Variants in SAMSN1 observed in about 807,000 individuals in gnomAD.
The protein encoded by SAMSN1 is SAM domain, SH3 domain and nuclear localization signals 1.
SAMSN1 carries 31 observed loss-of-function variants against 42.0 expected under a neutral mutation model. The observed-to-expected ratio is 0.74, with a 90% CI of 0.55 to 1.00. The LOEUF (loss-of-function observed/expected upper bound fraction) is 1.00. Among genes scored for constraint, SAMSN1 ranks in the 50% least tolerant of loss-of-function variants. SAMSN1 has a pLI of 0.00. For missense variants in SAMSN1, 464 were observed against 439.4 expected (o/e 1.06, Z -0.50); for synonymous variants, 178 against 151.9 (o/e 1.17, Z -1.26).
chr21:14,520,103 T>C (rs759576111), intron 2 of SAMSN1, among the ~76,000 whole-genome samples: 1 of 152,230 alleles, frequency 6.6e-6, no homozygotes, highest in African/African-American at 2.4e-5. Context: ...GCATTGTGCT[T>C]ATTTCATCGT....
chr21:14,631,332 T>C (rs746195310), intron 2 of SAMSN1, among the ~76,000 whole-genome samples: 11 of 152,210 alleles, frequency 7.2e-5, no homozygotes, highest in South Asian at 2.1e-4. Context: ...AGGTAACAAA[T>C]AGTTTTCTCA....
intron 2 of SAMSN1, among the ~76,000 whole-genome samples, chr21:14,629,894 A>G (rs987352822): frequency 2.0e-5 from 3 of 152,198 alleles, no homozygotes; most frequent in Admixed American, 2.0e-4. Context: ...CAGATGTCTT[A>G]AAACAGAGGT....
intron 7 of SAMSN1, among the ~76,000 whole-genome samples, chr21:14,590,741 T>A (rs1027179811): frequency 2.0e-5 from 3 of 152,216 alleles, no homozygotes; most frequent in African/African-American, 7.2e-5. Flanking sequence ...AGAGAGCTAC[T>A]TTCATGGTAA....
intron 5 of SAMSN1, among the ~76,000 whole-genome samples, chr21:14,509,514 ACC>A (rs960688626): frequency 6.6e-6 from 1 of 152,084 alleles, no homozygotes; most frequent in Non-Finnish European, 1.5e-5. Context: ...GTAACCAAAC[ACC>A]CCTGTTCCCC....
chr21:14,609,015 T>C (rs1417333207), intron 5 of SAMSN1, among the ~76,000 whole-genome samples: 1 of 152,082 alleles, frequency 6.6e-6, no homozygotes, highest in Non-Finnish European at 1.5e-5. Flanking sequence ...CCTAATTTGC[T>C]CTCCTGGAAA....
At chr21:14,557,429 G>C (rs774482924) in intron 2 of SAMSN1, among the ~76,000 whole-genome samples, 7 of 152,132 alleles carry the variant, frequency 4.6e-5, no homozygotes, top group South Asian at 2.1e-4. Context: ...GAGATTCCTA[G>C]GAATTCACGC....
chr21:14,657,058 A>T (rs1225256995), intron 1 of SAMSN1, among the ~76,000 whole-genome samples: 1 of 151,700 alleles, frequency 6.6e-6, no homozygotes, highest in Non-Finnish European at 1.5e-5. Flanking sequence ...CAAAAGCTGT[A>T]CCCCCACCCC....
chr21:14,505,155 C>A (rs181608879), intron 5 of SAMSN1, among the ~76,000 whole-genome samples: 1 of 152,048 alleles, frequency 6.6e-6, no homozygotes, highest in Non-Finnish European at 1.5e-5. Flanking sequence ...TCTCACAGGA[C>A]CTATCAAACA....
At chr21:14,596,408 T>C (rs1982263831) in intron 6 of SAMSN1, among the ~76,000 whole-genome samples, 2 of 152,166 alleles carry the variant, frequency 1.3e-5, no homozygotes, top group Admixed American at 6.6e-5. Context: ...TACTATTAGG[T>C]AGTTCTAGTG....
intron 7 of SAMSN1, among the ~76,000 whole-genome samples, chr21:14,497,723 T>C (rs1434822179): frequency 6.6e-6 from 1 of 152,164 alleles, no homozygotes; most frequent in East Asian, 1.9e-4. Context: ...GCTCACAAAA[T>C]ACTCCTTGCA....
intron 2 of SAMSN1, among the ~76,000 whole-genome samples, chr21:14,567,667 G>C (rs555851819): frequency 5.9e-5 from 9 of 152,236 alleles, no homozygotes; most frequent in African/African-American, 2.2e-4. Flanking sequence ...GTCCATTCCT[G>C]GCGTCCTGGT....
At chr21:14,623,540 T>C (rs1379692063) in intron 2 of SAMSN1, among the ~76,000 whole-genome samples, 3 of 152,262 alleles carry the variant, frequency 2.0e-5, no homozygotes, top group South Asian at 2.1e-4. Flanking sequence ...GACCATTACA[T>C]AATAGTAAAG....
At chr21:14,563,818 G>T (rs1410933906) in intron 2 of SAMSN1, among the ~76,000 whole-genome samples, 1 of 152,138 alleles carries the variant, frequency 6.6e-6, no homozygotes, top group South Asian at 2.1e-4. Flanking sequence ...TACTTGGAAG[G>T]AGCTGTGAAT....
chr21:14,558,989 C>A (rs1032606360), intron 2 of SAMSN1, among the ~76,000 whole-genome samples: 1 of 152,146 alleles, frequency 6.6e-6, no homozygotes, highest in Non-Finnish European at 1.5e-5. Context: ...GCAAAGCATT[C>A]ATTGAAATGA....
intron 2 of SAMSN1, among the ~76,000 whole-genome samples, chr21:14,552,215 G>A (rs1021102589): frequency 1.3e-5 from 2 of 152,006 alleles, no homozygotes; most frequent in African/African-American, 2.4e-5. Flanking sequence ...TTCTACCCTT[G>A]ATAATAATCA....
chr21:14,506,296 A>T (rs983947399), intron 5 of SAMSN1, among the ~76,000 whole-genome samples: 1 of 152,132 alleles, frequency 6.6e-6, no homozygotes, highest in African/African-American at 2.4e-5. Context: ...TTTTTTGAAA[A>T]GATGAATAAA....
intron 7 of SAMSN1, among the ~76,000 whole-genome samples, chr21:14,491,884 TACTTTTG>T (rs1986701525): frequency 6.6e-6 from 1 of 152,228 alleles, no homozygotes; most frequent in South Asian, 2.1e-4. Flanking sequence ...CTAAAACTAT[TACTTTTG>T]ACAAAAATAG....
chr21:14,605,369 G>C (rs1274666249), intron 5 of SAMSN1, among the ~76,000 whole-genome samples: 2 of 152,156 alleles, frequency 1.3e-5, no homozygotes, highest in South Asian at 4.1e-4. Flanking sequence ...TTCCCATCTT[G>C]TAAGCAAGCA....
chr21:14,569,804 T>C (rs1204610084), intron 2 of SAMSN1, among the ~76,000 whole-genome samples: 11 of 152,190 alleles, frequency 7.2e-5, no homozygotes, highest in Non-Finnish European at 1.2e-4. Context: ...AACGATTTAA[T>C]CTGCTCCATA....
Sources: allele counts gnomAD v4.1 joint callset (sites outside exome capture counted in the v4.1 genomes callset), GRCh38; gene constraint gnomAD v4.1.1; transcripts MANE v1.5; gene names NCBI Gene and HGNC (gene_info 2026-07-23, HGNC 2026-07-21).